Variants in DCP1B observed in about 807,000 individuals in gnomAD.
DCP1B encodes the protein decapping mRNA 1B, also known as mRNA-decapping enzyme 1B.
Under a neutral mutation model 60.5 loss-of-function variants are expected in DCP1B, and 47 were observed. The observed-to-expected ratio is 0.78, with a 90% CI of 0.61 to 0.99. The LOEUF (loss-of-function observed/expected upper bound fraction) is 0.99. Ranked by LOEUF, DCP1B falls within the 50% of genes least tolerant of loss-of-function variation. The probability of loss-of-function intolerance (pLI) is 0.00; values close to 1 mark genes in which losing one functional copy is unlikely to be tolerated. For missense variants in DCP1B, 725 were observed against 756.8 expected, an observed-to-expected ratio of 0.96 and a Z score of 0.49; for synonymous variants, 267 against 280.3, an observed-to-expected ratio of 0.95 and a Z score of 0.47.
Position 1,971,683 on chromosome 12 carries a change from T to G in DCP1B, c.320-3773A>C, listed in dbSNP as rs2032334701. 1.3e-5 allele frequency among the ~76,000 whole-genome samples: 2 copies of G among 152,268 alleles called. 1 individual carries two copies. The highest frequency in any genetic ancestry group is 4.1e-4 in the South Asian group (2 of 4,836). On this transcript the variant is annotated intron_variant, in intron 3 of 8. Transcript: ENST00000280665. This position sits in a 1 kb window ranked among gnomAD's most constrained non-coding sequence, Gnocchi z 4.2. ...TAAGGGGCCATTAAAGGCAGTGTCATGTCAGCGTCATTCAAATGTACATTT... is the reference window on the plus strand; with the variant it reads ...TAAGGGGCCATTAAAGGCAGTGTCAGGTCAGCGTCATTCAAATGTACATTT...
chr12:1,952,541 C>G lies in DCP1B; in HGVS notation c.1399G>C (p.Ala467Pro). The change falls in exon 7 of 9, where the codon GCC becomes CCC. Residue 467 changes from alanine to proline, a missense_variant. Transcript: ENST00000280665. ...GCGGCCAAGGCTGGCCGGTTAGAGG[C>G]ATGCAGCTGCTGCTCCTGCTGTACA... ...QIVQQEQQLH[A>P]SNRPALAAKF... The G allele has an allele frequency of 6.2e-7, 1 of 1,614,214 alleles. No homozygotes were observed. Among genetic ancestry groups the G allele is most frequent in the Non-Finnish European group, 8.5e-7 (1 of 1,180,034 alleles).
At chr12:1,993,627 G>GGTGTGTGT (rs150056084) in intron 2 of DCP1B, among the ~76,000 whole-genome samples, 16,235 of 146,482 alleles carry the variant, frequency 0.11, 927 homozygotes, top group Non-Finnish European at 0.13. Context: ...CTTCATTTGT[G>GGTGTGTGT]GTGTGTGTGT....
At chr12:1,967,780 A>G (rs945436724) in intron 4 of DCP1B, 64 bp downstream of exon 4, 7 of 1,394,620 alleles carry the variant, frequency 5.0e-6, no homozygotes, top group Non-Finnish European at 6.1e-6. Flanking sequence ...GTATAGTTAC[A>G]CACACTTAGA....
chr12:1,989,401 A>G lies in DCP1B; in HGVS notation c.319+3863T>C, dbSNP rs115701950. On this transcript the variant is annotated intron_variant, in intron 3 of 8. Coordinates refer to ENST00000280665, the MANE Select transcript of DCP1B (RefSeq NM_152640.5). The stretch of plus-strand genomic sequence containing the variant: ...GAGCAAAGAGAAAAAGGAAAGAGGA[A>G]AGAAAAGGGAAAGGGAAAGGGAAAG... Among the ~76,000 whole-genome samples, 366 of 152,188 alleles carry G rather than the reference A, an allele frequency of 2.4e-3. 2 individuals are homozygous for G. The highest frequency in any genetic ancestry group is 8.6e-3 in the African/African-American group (356 of 41,554).
At chr12:1,942,165 A>AT (rs769607154), downstream of DCP1B, among the ~76,000 whole-genome samples, 5 of 152,258 alleles carry the variant, frequency 3.3e-5, no homozygotes, top group Non-Finnish European at 5.9e-5. Context: ...AACAGACTTT[A>AT]AACCAACAAA....
At chr12:1,979,406 C>T (rs2035454188) in intron 3 of DCP1B, among the ~76,000 whole-genome samples, 1 of 152,172 alleles carries the variant, frequency 6.6e-6, no homozygotes, top group Non-Finnish European at 1.5e-5. Context: ...CCTCCACCTT[C>T]AGGGTTCAAG....
chr12:1,993,597 T>C (rs1161349279), intron 2 of DCP1B, among the ~76,000 whole-genome samples: 1 of 151,254 alleles, frequency 6.6e-6, no homozygotes, highest in Non-Finnish European at 1.5e-5. Flanking sequence ...TGATGATTCA[T>C]TTGGTAAAAT....
chr12:2,002,705 T>C lies in DCP1B; in HGVS notation c.150+1577A>G, dbSNP rs568618581. Among the ~76,000 whole-genome samples the C allele has an allele frequency of 4.6e-5, 7 of 152,356 alleles. No homozygotes were observed. The South Asian group carries it at 6.2e-4, about 14-fold the overall frequency. ...CCAGTGTCAAGTCAACTTACAGAAC[T>C]ATACATCCCTGGTCCTCATCTCTCT... is the stretch of plus-strand genomic sequence containing the variant. On this transcript the variant is annotated intron_variant, in intron 1 of 8. Transcript: ENST00000280665.
Position 1,953,200 on chromosome 12 carries a change from G to A in DCP1B, c.740C>T (p.Pro247Leu), listed in dbSNP as rs199631837. Residue 247 changes from proline (P) to leucine (L), a missense_variant, in exon 7 of 9, where the codon CCG becomes CTG. By Grantham distance (98) the Pro-to-Leu change is moderately conservative. Transcript: ENST00000280665. The part of the protein sequence containing the change: ...KATCQETVEP[P>L]QTLHQQQQQQ... The stretch of plus-strand genomic sequence containing the variant: ...CTGCTGCTGCTGGTGGAGAGTCTGC[G>A]GAGGCTCCACAGTTTCCTGACATGT... The A allele has an allele frequency of 5.5e-5, 88 of 1,609,574 alleles. 1 individual carries two copies. The Middle Eastern group carries it at 6.6e-4, about 12-fold the overall frequency.
intron 5 of DCP1B, among the ~76,000 whole-genome samples, chr12:1,956,885 G>A (rs1054080958): frequency 4.6e-5 from 7 of 152,122 alleles, no homozygotes; most frequent in African/African-American, 1.2e-4. Flanking sequence ...CTGAATTTCC[G>A]GCAAAGAAAG....
intron 1 of DCP1B, among the ~76,000 whole-genome samples, chr12:2,003,239 G>A (rs996527918): frequency 6.6e-6 from 1 of 151,976 alleles, no homozygotes. Context: ...TTATGAATGT[G>A]GGTGTTAAAA....
intron 3 of DCP1B, chr12:1,991,999 TA>T: frequency 4.0e-6 from 1 of 250,704 alleles, no homozygotes. Flanking sequence ...AACCCTGACA[TA>T]ACTATAAGCA....
At chr12:1,977,205 C>T (rs1336846287) in intron 3 of DCP1B, among the ~76,000 whole-genome samples, 1 of 152,148 alleles carries the variant, frequency 6.6e-6, no homozygotes, top group Non-Finnish European at 1.5e-5. Context: ...AGCTTTTATT[C>T]CTCCATGTAG....
At chr12:1,991,000 G>T in intron 3 of DCP1B, 1 of 371,152 alleles carries the variant, frequency 2.7e-6, no homozygotes, top group South Asian at 2.0e-5. Flanking sequence ...AAAAAAAAAG[G>T]CAAAATGAAT....
intron 1 of DCP1B, among the ~76,000 whole-genome samples, chr12:2,003,634 A>T (rs969530533): frequency 6.6e-6 from 1 of 152,198 alleles, no homozygotes; most frequent in Non-Finnish European, 1.5e-5. Flanking sequence ...AGAGCACTAA[A>T]ATAATTTGGC....
Position 2,001,769 on chromosome 12 carries a change from G to A in DCP1B, c.150+2513C>T, listed in dbSNP as rs530748067. Among the ~76,000 whole-genome samples the A allele has an allele frequency of 2.6e-4, 40 of 152,258 alleles. No individual in the cohort carries two copies. In the South Asian group the frequency reaches 4.6e-3, roughly 17 times the overall value. On this transcript the variant is annotated intron_variant, in intron 1 of 8. Transcript: ENST00000280665. ...AAAAACTTAGAAAACCACTAGCTAG[G>A]AACACAACGTTAGTCACTTTAGGGC...
chr12:1,950,341 C>T, intron 7 of DCP1B: 2 of 702,400 alleles, frequency 2.8e-6, no homozygotes, highest in Non-Finnish European at 5.2e-6. Flanking sequence ...TGCTGAAATG[C>T]TTGCCTTTCT....
Position 1,946,093 on chromosome 12 carries a change from T to A in DCP1B, c.*113A>T. ...GAAACATTTTACTTCATATTACACA[T>A]ACTTTTTTTTTAAAAAAGGCAGAAA... On this transcript the variant is annotated 3_prime_UTR_variant, in exon 9 of 9. Coordinates refer to ENST00000280665, the MANE Select transcript of DCP1B (RefSeq NM_152640.5). 1.3e-6 allele frequency: 1 copy of A among 787,900 alleles called. No individual in the cohort carries two copies. Among genetic ancestry groups the A allele is most frequent in the Non-Finnish European group, 1.9e-6 (1 of 517,888 alleles). The allele number at this position is 787,900 out of a possible 1,614,324, so 48.8% of individuals were successfully genotyped here.
downstream of DCP1B, among the ~76,000 whole-genome samples, chr12:1,942,051 C>T (rs954090873): frequency 2.6e-5 from 4 of 151,800 alleles, no homozygotes; most frequent in South Asian, 2.1e-4. Flanking sequence ...ACCCATCTCA[C>T]GTGCAAAGAC....
Sources: allele counts gnomAD v4.1 joint callset (sites outside exome capture counted in the v4.1 genomes callset), GRCh38; gene constraint gnomAD v4.1.1; non-coding constraint Gnocchi (gnomAD v3.1); transcripts MANE v1.5; gene names NCBI Gene and HGNC (gene_info 2026-07-23, HGNC 2026-07-21).